The following ANO5 variants were observed in gnomAD, a reference collection of about 807,000 sequenced individuals.
The protein encoded by ANO5 is anoctamin 5.
ANO5 carries 109 observed loss-of-function variants against 121.0 expected under a neutral mutation model. The ratio of observed to expected loss-of-function variants is 0.90; its 90% CI spans 0.77 to 1.06. ANO5 has a LOEUF of 1.06. ANO5 is among the 50% of genes least tolerant of loss of function. The probability of loss-of-function intolerance (pLI) is 0.00; values close to 1 mark genes in which losing one functional copy is unlikely to be tolerated. For missense variants in ANO5, 1,064 were observed against 1,078.5 expected (o/e 0.99, Z 0.19); for synonymous variants, 406 against 359.9 (o/e 1.13, Z -1.45).
rs1855061256 is a variant in ANO5 at position 22,281,152 on chromosome 11, A to G, written c.*1387A>G. 1 of 152,074 alleles carries G rather than the reference A, an allele frequency of 6.6e-6. No homozygotes were observed. The highest frequency in any genetic ancestry group is 2.1e-4 in the South Asian group (1 of 4,838). 9.4% of individuals were successfully genotyped at this position (152,074 alleles called of 1,614,324 possible). A position where few individuals can be genotyped will look rare whatever the true frequency, so the allele number is the denominator to read the frequency against. Reference sequence around the variant, plus strand: ...CTAGAGGGATATAGTCCAGTTATGTAGTATTTAAATCTCCAGTTTCAAATT... The same window carrying G: ...CTAGAGGGATATAGTCCAGTTATGTGGTATTTAAATCTCCAGTTTCAAATT... On this transcript the variant is annotated 3_prime_UTR_variant, in exon 22 of 22. Transcript: ENST00000324559.
intron 19 of ANO5, among the ~76,000 whole-genome samples, chr11:22,273,481 C>A (rs1287307134): frequency 1.3e-5 from 2 of 151,912 alleles, no homozygotes; most frequent in Non-Finnish European, 2.9e-5. Context: ...AGTAGGCATC[C>A]TATAAGAGAA....
intron 19 of ANO5, 114 bp from the exon 20 acceptor site, chr11:22,274,455 T>C: frequency 2.1e-6 from 2 of 953,428 alleles, no homozygotes; most frequent in Non-Finnish European, 3.1e-6. Context: ...TTTATAATAG[T>C]ATTTAATCAT....
chr11:22,229,049 C>A (rs143780266), intron 7 of ANO5, among the ~76,000 whole-genome samples: 1 of 151,718 alleles, frequency 6.6e-6, no homozygotes, highest in Non-Finnish European at 1.5e-5. Flanking sequence ...TTTTGAGGAC[C>A]GTCCATATTG....
At chr11:22,207,915 A>G (rs994962246) in intron 2 of ANO5, among the ~76,000 whole-genome samples, 36 of 152,116 alleles carry the variant, frequency 2.4e-4, no homozygotes, top group African/African-American at 8.4e-4. Context: ...ATGGCAAATA[A>G]GCATATGAAA....
rs1413673264 is a variant in ANO5, at chr11:22,221,094, C to T, written c.181-3C>T. ...ACAATTGTGTCATTTATGTCTCCTG[C>T]AGTTTCAAAAAAATCAGCAAAGCAA... On this transcript the variant is annotated splice_region_variant and splice_polypyrimidine_tract_variant and intron_variant, in intron 4 of 21. Transcript: ENST00000324559. 6.3e-7 allele frequency: 1 copy of T among 1,595,886 alleles called. No individual in the cohort carries two copies. Among genetic ancestry groups the T allele is most frequent in the South Asian group, 1.1e-5 (1 of 90,622 alleles).
intron 6 of ANO5, among the ~76,000 whole-genome samples, chr11:22,226,314 A>G (rs558831545): frequency 2.6e-5 from 4 of 152,228 alleles, no homozygotes; most frequent in Non-Finnish European, 5.9e-5. Flanking sequence ...TGGACTTTTT[A>G]TCATAACAGT....
At position 22,231,019 on chromosome 11, in the gene ANO5, A is replaced by G. The variant is rs141682134; in HGVS notation, c.648+3433A>G. Among the ~76,000 whole-genome samples, 17 of 152,138 alleles carry G rather than the reference A, an allele frequency of 1.1e-4. No homozygotes were observed. In the East Asian group the frequency reaches 3.3e-3, roughly 29 times the overall value. On this transcript the variant is annotated intron_variant, in intron 7 of 21. Transcript: ENST00000324559. ...TATAGACATCCAGAATGATCTTTGT[A>G]AAATCAACTCTGATAGGGTCAGCCC...
intron 1 of ANO5, among the ~76,000 whole-genome samples, chr11:22,196,825 C>T (rs1009055229): frequency 3.9e-5 from 6 of 152,038 alleles, no homozygotes; most frequent in South Asian, 2.1e-4. Flanking sequence ...GCCAAGATTG[C>T]GCCACTACAC....
chr11:22,215,695 T>C (rs1162383215), intron 3 of ANO5, among the ~76,000 whole-genome samples: 2 of 151,992 alleles, frequency 1.3e-5, no homozygotes, highest in African/African-American at 4.8e-5. Flanking sequence ...GTTTTCATCT[T>C]CATTGGTTCT....
At chr11:22,202,156 G>GTTTTTTTTTTTTTTTTTTTTTTTTTTTTT (rs1851984130) in intron 1 of ANO5, among the ~76,000 whole-genome samples, 24 of 150,330 alleles carry the variant, frequency 1.6e-4, no homozygotes, top group African/African-American at 6.0e-4. Flanking sequence ...CCATAAATCT[G>GTTTTTTTTTTTTTTTTTTTTTTTTTTTTT]CTTTTTAAAA....
At position 22,262,962 on chromosome 11, in the gene ANO5, G is replaced by A. The variant is rs2133750545; in HGVS notation, c.1817G>A (p.Cys606Tyr). Residue 606 changes from cysteine to tyrosine, a missense_variant, in exon 17 of 22, where the codon TGT becomes TAT. By Grantham distance (194) the Cys-to-Tyr change is radical. Coordinates refer to ENST00000324559, the MANE Select transcript of ANO5 (RefSeq NM_213599.3). ...TCTGACTAGTGTGATCCTGGAGGCT[G>A]TCTTATAGAATTGACAACCCAATTG... Reference protein sequence around the residue: ...WRSEECDPGGCLIELTTQLTI... With the variant: ...WRSEECDPGGYLIELTTQLTI... The A allele has an allele frequency of 1.2e-6, 2 of 1,613,244 alleles. No homozygotes were observed. Among genetic ancestry groups the A allele is most frequent in the Non-Finnish European group, 8.5e-7 (1 of 1,179,402 alleles).
chr11:22,275,514 A>G (rs1590333470), intron 20 of ANO5, among the ~76,000 whole-genome samples: 1 of 151,884 alleles, frequency 6.6e-6, no homozygotes, highest in Non-Finnish European at 1.5e-5. Flanking sequence ...GGATGTCATT[A>G]CCCCTTAGCT....
intron 19 of ANO5, among the ~76,000 whole-genome samples, chr11:22,274,100 C>G (rs7937738): frequency 0.15 from 23,055 of 151,626 alleles, 5,133 homozygotes; most frequent in African/African-American, 0.49. Flanking sequence ...TAATTGCACC[C>G]AACTGTGAGA....
At chr11:22,275,309 G>GAGACAC (rs1854797423) in intron 20 of ANO5, among the ~76,000 whole-genome samples, 2 of 148,506 alleles carry the variant, frequency 1.3e-5, no homozygotes, top group South Asian at 2.1e-4. Flanking sequence ...ACAATTTAAA[G>GAGACAC]ACACACACAC....
In ANO5 at chr11:22,246,856, CAAAAAAAAAAAAAA is replaced by C. The variant is rs10565920; in HGVS notation, c.879-3371_879-3358del. On this transcript the variant is annotated intron_variant, in intron 9 of 21. Coordinates refer to ENST00000324559, the MANE Select transcript of ANO5 (RefSeq NM_213599.3). Reference sequence around the variant, plus strand: ...AGCACAACAGAGTGAGACCCTGTTTCAAAAAAAAAAAAAAAAAAAAAAAGCAAAAAAGAAAAGAA... The same window carrying C: ...AGCACAACAGAGTGAGACCCTGTTTCAAAAAAAAAGCAAAAAAGAAAAGAA... 5.7e-3 allele frequency among the ~76,000 whole-genome samples: 355 copies of C among 62,232 alleles called. 1 individual carries two copies. The highest frequency in any genetic ancestry group is 0.03 in the South Asian group (46 of 1,546). 40.8% of individuals were successfully genotyped at this position (62,232 alleles called of 152,430 possible). A position where few individuals can be genotyped will look rare whatever the true frequency, so the allele number is the denominator to read the frequency against.
At chr11:22,271,275 C>T (rs1464906093) in intron 18 of ANO5, among the ~76,000 whole-genome samples, 1 of 152,102 alleles carries the variant, frequency 6.6e-6, no homozygotes, top group African/African-American at 2.4e-5. Flanking sequence ...GCCTCGATCT[C>T]CTGACCTCAT....
Position 22,223,038 on chromosome 11 carries a change from G to C in ANO5, c.294+1828G>C, listed in dbSNP as rs138630671. On this transcript the variant is annotated intron_variant, in intron 5 of 21. Transcript: ENST00000324559. The stretch of plus-strand genomic sequence containing the variant: ...CATCACATCTGTCCATCCACCAGGA[G>C]TTTTGCCTGTGTAAGCTATCTTACT... Among the ~76,000 whole-genome samples, 501 of 152,074 alleles carry C rather than the reference G, an allele frequency of 3.3e-3. 1 individual carries two copies. The highest frequency in any genetic ancestry group is 0.012 in the African/African-American group (482 of 41,544).
chr11:22,275,321 C>T (rs185019531), intron 20 of ANO5, among the ~76,000 whole-genome samples: 4 of 151,984 alleles, frequency 2.6e-5, no homozygotes, highest in East Asian at 1.9e-4. Context: ...CACACACACA[C>T]ACACACACAC....
chr11:22,241,362 C>T (rs1262167509), intron 9 of ANO5, among the ~76,000 whole-genome samples: 8 of 131,076 alleles, frequency 6.1e-5, no homozygotes, highest in South Asian at 5.0e-4. Flanking sequence ...CATATAGGTG[C>T]GTGCATCTTT....
Sources: allele counts gnomAD v4.1 joint callset (sites outside exome capture counted in the v4.1 genomes callset), GRCh38; gene constraint gnomAD v4.1.1; transcripts MANE v1.5; gene names NCBI Gene and HGNC (gene_info 2026-07-23, HGNC 2026-07-21).